The following DLG2 variants were observed in gnomAD, a reference collection of about 807,000 sequenced individuals.
The protein encoded by DLG2 is disks large homolog 2.
A neutral mutation model predicts 132.5 loss-of-function variants in DLG2; 45 were observed. The ratio of observed to expected loss-of-function variants is 0.34; its 90% CI spans 0.27 to 0.44. The LOEUF (loss-of-function observed/expected upper bound fraction) is 0.44, where lower values mean the gene tolerates loss of function less well. Among genes scored for constraint, DLG2 ranks in the 20% least tolerant of loss-of-function variants. DLG2 has a pLI of 1.00. For missense variants in DLG2, 1,045 were observed against 1,196.9 expected (o/e 0.87, Z 1.87); for synonymous variants, 424 against 419.6 (o/e 1.01, Z -0.13).
At chr11:84,418,974 A>G (rs982202414) in intron 7 of DLG2, among the ~76,000 whole-genome samples, 11 of 152,200 alleles carry the variant, frequency 7.2e-5, no homozygotes, top group Admixed American at 6.5e-4. Flanking sequence ...ACTTGGAGAC[A>G]CAAATTGCTT....
intron 21 of DLG2, among the ~76,000 whole-genome samples, chr11:83,511,502 G>GGT (rs1234593840): frequency 6.6e-6 from 1 of 152,014 alleles, no homozygotes; most frequent in African/African-American, 2.4e-5. Flanking sequence ...AGAGAAATGG[G>GGT]GTGCTGTTAC....
intron 3 of DLG2, among the ~76,000 whole-genome samples, chr11:85,529,209 C>G (rs2075017690): frequency 6.6e-6 from 1 of 152,174 alleles, no homozygotes. Context: ...TGGAACTCTC[C>G]TTCACCTACA....
intron 4 of DLG2, among the ~76,000 whole-genome samples, chr11:85,189,028 C>A (rs1354037201): frequency 1.3e-5 from 2 of 151,878 alleles, no homozygotes; most frequent in Admixed American, 6.6e-5. Flanking sequence ...AAGCAATATC[C>A]ATCTAAATAC....
At chr11:84,869,613 A>G (rs2154040010) in intron 6 of DLG2, among the ~76,000 whole-genome samples, 1 of 152,340 alleles carries the variant, frequency 6.6e-6, no homozygotes, top group South Asian at 2.1e-4. Flanking sequence ...TATATAAATC[A>G]AAAGATATAT....
At chr11:83,761,880 G>A (rs1341063560) in intron 18 of DLG2, among the ~76,000 whole-genome samples, 2 of 152,170 alleles carry the variant, frequency 1.3e-5, no homozygotes, top group Non-Finnish European at 2.9e-5. Flanking sequence ...TTATTTGGAT[G>A]TGGAGGTCTT....
At chr11:85,082,213 G>T (rs1052270335) in intron 6 of DLG2, among the ~76,000 whole-genome samples, 1 of 152,030 alleles carries the variant, frequency 6.6e-6, no homozygotes, top group Admixed American at 6.6e-5. Flanking sequence ...GAAAAAACAA[G>T]AATACAGAAT....
At chr11:85,406,713 G>A (rs2088778674) in intron 3 of DLG2, among the ~76,000 whole-genome samples, 1 of 151,780 alleles carries the variant, frequency 6.6e-6, no homozygotes, top group Non-Finnish European at 1.5e-5. Context: ...ATTTATTGAG[G>A]CCACTGTTTT....
chr11:84,134,878 G>C (rs2094546724), intron 9 of DLG2, among the ~76,000 whole-genome samples: 1 of 151,846 alleles, frequency 6.6e-6, no homozygotes, highest in Non-Finnish European at 1.5e-5. Flanking sequence ...GCCAATATAG[G>C]GTAGTCATTA....
chr11:84,505,786 A>G (rs1318121951), intron 7 of DLG2, among the ~76,000 whole-genome samples: 1 of 152,192 alleles, frequency 6.6e-6, no homozygotes, highest in Non-Finnish European at 1.5e-5. Context: ...TATGGGGAAC[A>G]AGAAATCTCT....
At chr11:85,039,564 G>A (rs1185691059) in intron 6 of DLG2, among the ~76,000 whole-genome samples, 1 of 151,798 alleles carries the variant, frequency 6.6e-6, no homozygotes, top group Non-Finnish European at 1.5e-5. Context: ...AGTTATATAT[G>A]TTAAATAAGT....
intron 16 of DLG2, among the ~76,000 whole-genome samples, chr11:83,867,661 T>C (rs35595946): frequency 0.25 from 38,081 of 152,064 alleles, 5,523 homozygotes; most frequent in Non-Finnish European, 0.33. Flanking sequence ...GTTTGGAAAC[T>C]TCTGTCTGTT....
At position 85,122,510 on chromosome 11, in the gene DLG2, A is replaced by T. The variant is rs115824512; in HGVS notation, c.283-10775T>A. ...GTAGTGGGATCTGAGATAGGCAGTT[A>T]GGCAAGGGATACAACATCGAGGGCC... On this transcript the variant is annotated intron_variant, in intron 5 of 27. Coordinates refer to ENST00000376104, the MANE Select transcript of DLG2 (RefSeq NM_001142699.3). Among the ~76,000 whole-genome samples the T allele has an allele frequency of 1.7e-3, 258 of 152,318 alleles. 1 individual carries two copies. Among genetic ancestry groups the T allele is most frequent in the African/African-American group, 6.1e-3 (252 of 41,576 alleles).
intron 16 of DLG2, among the ~76,000 whole-genome samples, chr11:83,848,093 T>G (rs2058975265): frequency 6.6e-6 from 1 of 151,438 alleles, no homozygotes; most frequent in South Asian, 2.1e-4. Context: ...TTGTGCTCTG[T>G]GACCACTCCA....
chr11:83,849,396 A>G (rs2059247327), intron 16 of DLG2, among the ~76,000 whole-genome samples: 1 of 151,456 alleles, frequency 6.6e-6, no homozygotes, highest in Non-Finnish European at 1.5e-5. Context: ...TCGAGCATAA[A>G]CATTTGTCAA....
rs557086735 is a variant in DLG2 at position 84,887,731 on chromosome 11, T to C, written c.357+223930A>G. Among the ~76,000 whole-genome samples the C allele has an allele frequency of 9.2e-5, 14 of 152,260 alleles. No homozygotes were observed. In the East Asian group the frequency reaches 2.5e-3, roughly 27 times the overall value. On this transcript the variant is annotated intron_variant, in intron 6 of 27. Transcript: ENST00000376104. ...CTGAGGCTCAGACAGTTAAATTACT[T>C]GCCCATAGTCACATTTCTAGAGATT...
chr11:83,759,636 G>A (rs1030067478), intron 18 of DLG2, among the ~76,000 whole-genome samples: 2 of 152,084 alleles, frequency 1.3e-5, no homozygotes, highest in Admixed American at 1.3e-4. Flanking sequence ...TCTTTAAGAA[G>A]TGACTTCCCT....
At chr11:83,567,532 A>G (rs750336154) in intron 19 of DLG2, among the ~76,000 whole-genome samples, 10 of 152,182 alleles carry the variant, frequency 6.6e-5, no homozygotes, top group Non-Finnish European at 1.0e-4. Flanking sequence ...TTACTGTTTT[A>G]GGTGGTGGGG....
intron 6 of DLG2, among the ~76,000 whole-genome samples, chr11:84,604,094 T>C (rs1210902067): frequency 2.6e-5 from 4 of 152,020 alleles, no homozygotes; most frequent in Admixed American, 1.3e-4. Flanking sequence ...CTATTAGTCC[T>C]ACTTTACAAA....
At chr11:84,172,778 G>T (rs921294178) in intron 8 of DLG2, among the ~76,000 whole-genome samples, 1 of 152,098 alleles carries the variant, frequency 6.6e-6, no homozygotes, top group East Asian at 1.9e-4. Context: ...CCTACCTCAG[G>T]TGATCCAACC....
Sources: gnomAD v4.1 joint callset for allele counts (sites outside exome capture counted in the v4.1 genomes callset) on GRCh38, gnomAD v4.1.1 for gene constraint, MANE v1.5 for transcripts, NCBI Gene and HGNC (gene_info 2026-07-23, HGNC 2026-07-21) for gene names.